The following COL22A1 variants were observed in gnomAD, a reference collection of about 807,000 sequenced individuals.
COL22A1 encodes the protein collagen type XXII alpha 1 chain.
A neutral mutation model predicts 248.9 loss-of-function variants in COL22A1; 221 were observed. The observed-to-expected ratio is 0.89, with a 90% CI of 0.80 to 0.99. The LOEUF (loss-of-function observed/expected upper bound fraction) is 0.99, where lower values mean the gene tolerates loss of function less well. COL22A1 is among the 50% of genes least tolerant of loss of function. The probability of loss-of-function intolerance (pLI) is 0.00; values close to 1 mark genes in which losing one functional copy is unlikely to be tolerated. For synonymous variants in COL22A1, 891 were observed against 793.4 expected (o/e 1.12, Z -2.07); for missense variants, 2,240 against 2,179.0 (o/e 1.03, Z -0.56).
chr8:138,845,123 C>T (rs1821148877), intron 3 of COL22A1, among the ~76,000 whole-genome samples: 1 of 152,082 alleles, frequency 6.6e-6, no homozygotes, highest in African/African-American at 2.4e-5. Context: ...ACAAGTAAAA[C>T]TCAGTTATAC....
intron 16 of COL22A1, among the ~76,000 whole-genome samples, chr8:138,767,948 T>C (rs535717864): frequency 1.2e-4 from 19 of 152,324 alleles, no homozygotes; most frequent in African/African-American, 4.6e-4. Context: ...TCATATAACA[T>C]GGGTGCTAGA....
chr8:138,713,540 C>T (rs1317750771), intron 30 of COL22A1, among the ~76,000 whole-genome samples: 1 of 152,188 alleles, frequency 6.6e-6, no homozygotes, highest in East Asian at 1.9e-4. Flanking sequence ...GACAAATAGG[C>T]CCGTGGACAA....
intron 35 of COL22A1, among the ~76,000 whole-genome samples, chr8:138,692,023 T>C (rs1311070495): frequency 6.7e-6 from 1 of 149,632 alleles, no homozygotes; most frequent in Non-Finnish European, 1.5e-5. Context: ...TGGAGGTGTA[T>C]GCATGCGCGT....
chr8:138,741,545 T>C (rs772822497), intron 22 of COL22A1, among the ~76,000 whole-genome samples: 39 of 152,238 alleles, frequency 2.6e-4, no homozygotes, highest in Non-Finnish European at 1.3e-4. Context: ...TGATTTAATA[T>C]TTGAGGAAGT....
At chr8:138,665,053 G>T (rs1335766126) in intron 41 of COL22A1, among the ~76,000 whole-genome samples, 1 of 152,170 alleles carries the variant, frequency 6.6e-6, no homozygotes. Flanking sequence ...GCAGTATAGT[G>T]TCAGGGGTAA....
Position 138,598,714 on chromosome 8 carries a change from C to T in COL22A1, c.4365+5G>A, listed in dbSNP as rs1465757159. The T allele has an allele frequency of 6.2e-7, 1 of 1,612,374 alleles. No individual in the cohort carries two copies. The highest frequency in any genetic ancestry group is 1.7e-5 in the Admixed American group (1 of 59,806). ...CCGAGTCCAAAGCCATATTAGCATCCTTACCCTCAGTCCTGGAAATCCCGG... is the reference window on the plus strand; with the variant it reads ...CCGAGTCCAAAGCCATATTAGCATCTTTACCCTCAGTCCTGGAAATCCCGG... On this transcript the variant is annotated splice_donor_5th_base_variant and intron_variant, in intron 61 of 64. Transcript: ENST00000303045.
chr8:138,766,499 CAG>C (rs142588161), intron 16 of COL22A1, among the ~76,000 whole-genome samples: 2 of 151,550 alleles, frequency 1.3e-5, no homozygotes, highest in Non-Finnish European at 2.9e-5. Flanking sequence ...TACAGAGACA[CAG>C]AGAGAGAGAC....
intron 64 of COL22A1, among the ~76,000 whole-genome samples, chr8:138,590,596 T>C (rs962284781): frequency 2.6e-5 from 4 of 152,186 alleles, no homozygotes; most frequent in Admixed American, 6.5e-5. Flanking sequence ...ATATCCACTT[T>C]AGAAAATTTG....
intron 3 of COL22A1, among the ~76,000 whole-genome samples, chr8:138,874,980 C>T (rs1823603172): frequency 6.6e-6 from 1 of 152,150 alleles, no homozygotes; most frequent in Non-Finnish European, 1.5e-5. Context: ...ACCTCAGTAT[C>T]CCTTGTTGAT....
chr8:138,779,927 G>A (rs185549058), intron 13 of COL22A1, among the ~76,000 whole-genome samples: 245 of 152,256 alleles, frequency 1.6e-3, no homozygotes, highest in South Asian at 3.5e-3. Context: ...CACTGCAGCC[G>A]GTTGTTTTGT....
intron 1 of COL22A1, among the ~76,000 whole-genome samples, chr8:138,907,068 AG>A (rs1270770179): frequency 1.3e-5 from 2 of 152,236 alleles, no homozygotes; most frequent in African/African-American, 4.8e-5. Context: ...GGTGTGTACC[AG>A]GGAGGGGCCA....
At chr8:138,811,304 T>C (rs191349095) in intron 9 of COL22A1, among the ~76,000 whole-genome samples, 11 of 150,998 alleles carry the variant, frequency 7.3e-5, no homozygotes, top group East Asian at 2.0e-4. Context: ...CATATATATA[T>C]ACACATACAT....
At chr8:138,774,784 C>T (rs1814257746) in intron 16 of COL22A1, among the ~76,000 whole-genome samples, 1 of 152,152 alleles carries the variant, frequency 6.6e-6, no homozygotes, top group African/African-American at 2.4e-5. Flanking sequence ...GAATGGGTAC[C>T]TGAATTATGG....
chr8:138,859,207 T>C (rs2131946563), intron 3 of COL22A1, among the ~76,000 whole-genome samples: 1 of 152,324 alleles, frequency 6.6e-6, no homozygotes, highest in South Asian at 2.1e-4. Flanking sequence ...ATGTGGTCTG[T>C]GTCCAAACTC....
At chr8:138,596,357 C>T (rs1477928376) in intron 62 of COL22A1, among the ~76,000 whole-genome samples, 1 of 152,224 alleles carries the variant, frequency 6.6e-6, no homozygotes, top group African/African-American at 2.4e-5. Context: ...CCTGGGGTCA[C>T]ATTTCATCTT....
At chr8:138,669,323 G>A (rs1352700619) in intron 41 of COL22A1, among the ~76,000 whole-genome samples, 3 of 152,302 alleles carry the variant, frequency 2.0e-5, no homozygotes, top group Admixed American at 6.5e-5. Context: ...GCTCGGCCAC[G>A]GCCGTGGGGT....
chr8:138,646,779 A>G, intron 46 of COL22A1, 97 bp from the exon 47 acceptor site: 1 of 872,682 alleles, frequency 1.1e-6, no homozygotes, highest in Non-Finnish European at 1.7e-6. Context: ...ACCTCCCTTC[A>G]CTGATTTTCC....
chr8:138,634,900 C>T, intron 49 of COL22A1, 110 bp downstream of exon 49: 1 of 799,310 alleles, frequency 1.3e-6, no homozygotes, highest in Non-Finnish European at 2.1e-6. Flanking sequence ...GGGTGTTGGG[C>T]CATCCCTTAA....
chr8:138,698,353 G>A (rs1255832498), intron 32 of COL22A1, among the ~76,000 whole-genome samples: 2 of 152,184 alleles, frequency 1.3e-5, no homozygotes, highest in African/African-American at 4.8e-5. Flanking sequence ...TCGCTGGTAG[G>A]GCCTTCTTGG....
Sources: gnomAD v4.1 joint callset for allele counts (sites outside exome capture counted in the v4.1 genomes callset) on GRCh38, gnomAD v4.1.1 for gene constraint, MANE v1.5 for transcripts, NCBI Gene and HGNC (gene_info 2026-07-23, HGNC 2026-07-21) for gene names.